The following HDAC4 variants were observed in gnomAD, a reference collection of about 807,000 sequenced individuals.
HDAC4 encodes histone deacetylase A.
A neutral mutation model predicts 135.1 loss-of-function variants in HDAC4; 16 were observed. That is an observed-to-expected ratio of 0.12 (90% confidence interval 0.08 to 0.18). The LOEUF is 0.18. Ranked by LOEUF, HDAC4 falls within the 10% of genes least tolerant of loss-of-function variation. HDAC4 has a pLI of 1.00. For missense variants in HDAC4, 1,143 were observed against 1,511.8 expected (o/e 0.76, Z 4.05); for synonymous variants, 685 against 653.4 (o/e 1.05, Z -0.74).
At position 239,359,577 on chromosome 2, in the gene HDAC4, G is replaced by T. The variant is rs536046503; in HGVS notation, c.-219-6659C>A. The stretch of plus-strand genomic sequence containing the variant: ...TGGGTGGGGACCCCTTCCCAGAGCT[G>T]GGGGGTGGGGGCTCCAGCTACTGGG... On this transcript the variant is annotated intron_variant, in intron 1 of 26. Coordinates refer to ENST00000543185, the MANE Select transcript of HDAC4 (RefSeq NM_001378414.1). Among the ~76,000 whole-genome samples the T allele has an allele frequency of 2.6e-5, 4 of 152,318 alleles. No individual in the cohort carries two copies. The South Asian group carries it at 8.3e-4, about 32-fold the overall frequency.
chr2:239,063,397 G>T (rs1278813699), intron 24 of HDAC4, among the ~76,000 whole-genome samples: 1 of 152,120 alleles, frequency 6.6e-6, no homozygotes, highest in Admixed American at 6.5e-5. Context: ...GTAGAGACGG[G>T]GTTTCACCAT....
chr2:239,137,681 C>T (rs2041068792), intron 9 of HDAC4, among the ~76,000 whole-genome samples: 1 of 152,220 alleles, frequency 6.6e-6, no homozygotes, highest in South Asian at 2.1e-4. Context: ...AAGCTCACTA[C>T]ACTCTGCACC....
intron 2 of HDAC4, among the ~76,000 whole-genome samples, chr2:239,266,555 T>C (rs1427571276): frequency 3.3e-5 from 5 of 152,148 alleles, no homozygotes; most frequent in Non-Finnish European, 5.9e-5. Flanking sequence ...GAGTCCACGA[T>C]TTCATGACAC....
intron 1 of HDAC4, among the ~76,000 whole-genome samples, chr2:239,386,575 T>G (rs1695823422): frequency 1.3e-5 from 2 of 152,126 alleles, no homozygotes; most frequent in Admixed American, 1.3e-4. Flanking sequence ...GGAGCACCAC[T>G]GTGTGTTCCA....
At chr2:239,258,492 G>A (rs7584828) in intron 2 of HDAC4, among the ~76,000 whole-genome samples, 38,403 of 152,110 alleles carry the variant, frequency 0.25, 6,549 homozygotes, top group East Asian at 0.47. Context: ...CCAGAAAACA[G>A]TAATATCTTT....
At chr2:239,126,759 T>C in intron 11 of HDAC4, 65 bp from the exon 12 acceptor site, 6 of 1,422,144 alleles carry the variant, frequency 4.2e-6, no homozygotes, top group Non-Finnish European at 5.9e-6. Flanking sequence ...GAGAGAGGGC[T>C]ATTGAGTAAG....
intron 25 of HDAC4, among the ~76,000 whole-genome samples, chr2:239,054,487 G>C (rs2031460299): frequency 6.6e-6 from 1 of 152,160 alleles, no homozygotes; most frequent in Non-Finnish European, 1.5e-5. Flanking sequence ...CACTGAGACT[G>C]TCTGGGCCTT....
chr2:239,081,146 G>A lies in HDAC4; in HGVS notation c.2699C>T (p.Thr900Ile), dbSNP rs752565391. 1.2e-6 allele frequency: 2 copies of A among 1,614,052 alleles called. No individual in the cohort carries two copies. ...GVGFNVNMAF[T>I]GGLDPPMGDA... is the part of the protein sequence containing the mutation. ...TCCCATGGGGGGGTCCAGGCCGCCG[G>A]TGAAAGCCATGTTGACGTTGAAACC... is the stretch of plus-strand genomic sequence containing the variant. The change falls in exon 22 of 27, where the codon ACC becomes ATC. Residue 900 changes from threonine (T) to isoleucine (I), a missense_variant. Physicochemically the swap from Thr to Ile is moderately conservative, Grantham distance 89. Transcript: ENST00000543185.
chr2:239,134,147 T>A, intron 11 of HDAC4, 98 bp downstream of exon 11: 2 of 911,520 alleles, frequency 2.2e-6, no homozygotes, highest in Non-Finnish European at 3.5e-6. Context: ...GGGACAGGCG[T>A]GCATTCCTGT....
intron 2 of HDAC4, among the ~76,000 whole-genome samples, chr2:239,346,519 A>C (rs1320252784): frequency 6.9e-6 from 1 of 145,094 alleles, no homozygotes; most frequent in African/African-American, 2.6e-5. Context: ...CACACACCCT[A>C]ACACATACCA....
At chr2:239,326,804 G>C (rs2053481526) in intron 2 of HDAC4, among the ~76,000 whole-genome samples, 2 of 152,174 alleles carry the variant, frequency 1.3e-5, no homozygotes, top group Non-Finnish European at 2.9e-5. Context: ...GCCAGCAGCT[G>C]GCTGCTTCTC....
At chr2:239,298,088 T>C (rs2052021643) in intron 2 of HDAC4, 1 of 733,042 alleles carries the variant, frequency 1.4e-6, no homozygotes, top group Admixed American at 2.3e-5. Flanking sequence ...TTAGGGTTGC[T>C]AAAATATTTC....
chr2:239,119,615 GGAGCTCA>G (rs1221926785), intron 12 of HDAC4, among the ~76,000 whole-genome samples: 2 of 152,032 alleles, frequency 1.3e-5, no homozygotes, highest in African/African-American at 4.8e-5. Context: ...CGCAGAGATG[GGAGCTCA>G]GAGCTCAGGG....
chr2:239,161,720 C>T (rs1247833073), intron 6 of HDAC4: 3 of 354,174 alleles, frequency 8.5e-6, no homozygotes, highest in South Asian at 2.2e-5. Flanking sequence ...CAGGGCACGC[C>T]GCCCTTGTCC....
At chr2:239,077,186 G>A (rs757919428) in intron 22 of HDAC4, among the ~76,000 whole-genome samples, 2 of 152,262 alleles carry the variant, frequency 1.3e-5, no homozygotes, top group Non-Finnish European at 2.9e-5. Flanking sequence ...CACAGTCAGA[G>A]GCCCCGATAG....
intron 8 of HDAC4, among the ~76,000 whole-genome samples, 198 bp downstream of exon 8, chr2:239,144,385 C>T (rs1025979699): frequency 3.9e-5 from 6 of 152,180 alleles, no homozygotes; most frequent in Non-Finnish European, 5.9e-5. Context: ...GAGCAGGGCC[C>T]GGCTTAGACA....
At chr2:239,302,891 C>T (rs778296780) in intron 2 of HDAC4, among the ~76,000 whole-genome samples, 3 of 152,204 alleles carry the variant, frequency 2.0e-5, no homozygotes, top group Non-Finnish European at 2.9e-5. Flanking sequence ...GCTGGGCGTG[C>T]GGGGAATGGC....
At position 239,158,007 on chromosome 2, in the gene HDAC4, T is replaced by C. The variant is rs146816114; in HGVS notation, c.612-1234A>G. On this transcript the variant is annotated intron_variant, in intron 6 of 26. Transcript: ENST00000543185. ...GGCACACCTCCAACCCCAAGCAGCT[T>C]CTCGCTGTTTCCCGGGGAATTCCAC... Among the ~76,000 whole-genome samples, 974 of 152,286 alleles carry C rather than the reference T, an allele frequency of 6.4e-3. 7 individuals are homozygous for C. Among genetic ancestry groups the C allele is most frequent in the African/African-American group, 0.017 (717 of 41,538 alleles).
intron 3 of HDAC4, among the ~76,000 whole-genome samples, chr2:239,215,059 C>A (rs1284080070): frequency 6.6e-6 from 1 of 152,154 alleles, no homozygotes; most frequent in Non-Finnish European, 1.5e-5. Flanking sequence ...AGCAGACATT[C>A]GAGCGGCAGA....
Sources: gnomAD v4.1 joint callset for allele counts (sites outside exome capture counted in the v4.1 genomes callset) on GRCh38, gnomAD v4.1.1 for gene constraint, MANE v1.5 for transcripts, NCBI Gene and HGNC (gene_info 2026-07-23, HGNC 2026-07-21) for gene names.